TNRC18: variants seen among roughly 807,000 people sequenced by gnomAD.
TNRC18 encodes trinucleotide repeat containing 18.
TNRC18 carries 69 observed loss-of-function variants against 226.7 expected under a neutral mutation model. The observed-to-expected ratio is 0.30, with a 90% CI of 0.25 to 0.37. The LOEUF (loss-of-function observed/expected upper bound fraction) is 0.37. TNRC18 is among the 10% of genes least tolerant of loss of function. TNRC18 has a pLI of 1.00. For synonymous variants in TNRC18, 2,449 were observed against 1,927.6 expected (o/e 1.27, Z -7.09); for missense variants, 4,754 against 4,256.6 (o/e 1.12, Z -3.25).
In TNRC18 at chr7:5,381,398, C is replaced by CCA. The variant is rs777847371; in HGVS notation, c.2153-3376_2153-3375dup. ...ACTTGTCCCCTTCCCCACCTCTGGG[C>CCA]CACACACACACCATTCCCACCACCT... On this transcript the variant is annotated intron_variant, in intron 5 of 29. Coordinates refer to ENST00000430969, the MANE Select transcript of TNRC18 (RefSeq NM_001080495.3). Among the ~76,000 whole-genome samples, 4 of 152,178 alleles carry CCA rather than the reference C, an allele frequency of 2.6e-5. No homozygotes were observed. The East Asian group carries it at 7.7e-4, about 29-fold the overall frequency.
At chr7:5,420,896 T>C in intron 2 of TNRC18, 164 bp downstream of exon 2, 2 of 820,358 alleles carry the variant, frequency 2.4e-6, no homozygotes, top group Non-Finnish European at 3.8e-6. Flanking sequence ...CCGCCTTGGC[T>C]CCGGGACCAG....
rs971110252 is a variant in TNRC18 at position 5,394,817 on chromosome 7, C to G, written c.188-222G>C. ...ACCAGACCCAGGGCTTGAGAAAGCA[C>G]AATACGGCAGGAAGCCCCCCACAGC... is the stretch of plus-strand genomic sequence containing the variant. On this transcript the variant is annotated intron_variant, in intron 2 of 29. Coordinates refer to ENST00000430969, the MANE Select transcript of TNRC18 (RefSeq NM_001080495.3). The surrounding 1 kb of genome is among the most constrained non-coding windows in gnomAD (Gnocchi z 4.5). 4.6e-5 allele frequency among the ~76,000 whole-genome samples: 7 copies of G among 152,254 alleles called. No individual in the cohort carries two copies. Among genetic ancestry groups the G allele is most frequent in the African/African-American group, 1.4e-4 (6 of 41,556 alleles).
At chr7:5,376,491 C>T (rs1265839518) in intron 8 of TNRC18, among the ~76,000 whole-genome samples, 2 of 152,180 alleles carry the variant, frequency 1.3e-5, no homozygotes, top group East Asian at 3.9e-4. Context: ...GGTCAGCACG[C>T]AGACACGTAC....
At chr7:5,398,737 C>A (rs1246400536) in intron 2 of TNRC18, among the ~76,000 whole-genome samples, 2 of 152,066 alleles carry the variant, frequency 1.3e-5, no homozygotes, top group African/African-American at 4.8e-5. Context: ...CCAGCCTCAG[C>A]CTCCTGGGTA....
intron 18 of TNRC18, 22 bp downstream of exon 18, chr7:5,345,540 C>T: frequency 7.3e-7 from 1 of 1,378,312 alleles, no homozygotes; most frequent in South Asian, 1.5e-5. Flanking sequence ...ACCCCCACCG[C>T]AGCCCACCTG....
chr7:5,375,938 C>G, intron 9 of TNRC18, 96 bp downstream of exon 9: 4 of 1,271,194 alleles, frequency 3.1e-6, no homozygotes, highest in Non-Finnish European at 4.3e-6. Flanking sequence ...TTTTCTCCCT[C>G]CCTGTAACTG....
chr7:5,393,075 G>A (rs1368977936), intron 3 of TNRC18, among the ~76,000 whole-genome samples: 1 of 152,252 alleles, frequency 6.6e-6, no homozygotes, highest in Non-Finnish European at 1.5e-5. Flanking sequence ...AGTGAGCTGA[G>A]TGTGCACTGG....
intron 14 of TNRC18, among the ~76,000 whole-genome samples, chr7:5,361,080 G>A (rs985847438): frequency 2.6e-5 from 4 of 152,178 alleles, no homozygotes; most frequent in Non-Finnish European, 4.4e-5. Flanking sequence ...TCCAGCTGGC[G>A]TTCAGAAAGA....
intron 2 of TNRC18, among the ~76,000 whole-genome samples, chr7:5,411,841 A>C (rs923813292): frequency 1.3e-5 from 2 of 152,158 alleles, no homozygotes; most frequent in African/African-American, 4.8e-5. Flanking sequence ...TCCAAAAAAA[A>C]CAAAGCAGCT....
chr7:5,337,942 C>T (rs538866773), intron 18 of TNRC18, among the ~76,000 whole-genome samples: 215 of 152,208 alleles, frequency 1.4e-3, no homozygotes, highest in Non-Finnish European at 2.4e-3. Flanking sequence ...AAGATCACGC[C>T]ACTGCACTCC....
In TNRC18 at chr7:5,313,037, G is replaced by A. The variant is rs1352819582; in HGVS notation, c.7854C>T (p.Ser2618=). The A allele has an allele frequency of 4.1e-6, 3 of 724,366 alleles. No individual in the cohort carries two copies. Among genetic ancestry groups the A allele is most frequent in the South Asian group, 3.8e-5 (2 of 52,306 alleles). 44.9% of individuals were successfully genotyped at this position (724,366 alleles called of 1,614,324 possible). Residue 2618 remains serine (S), a synonymous_variant, in exon 27 of 30, where the codon TCC becomes TCT. Transcript: ENST00000430969. ...AGGAGGAGGAGGAGGAGGAGGATGA[G>A]GAGGAGGAGGAGGAGGCCGGTGAGG... is the stretch of plus-strand genomic sequence containing the variant. ...RAASPASSSS[S]SSSSSSSSSS...
At chr7:5,354,844 C>G (rs1338229622) in intron 16 of TNRC18, among the ~76,000 whole-genome samples, 2 of 152,202 alleles carry the variant, frequency 1.3e-5, no homozygotes, top group Non-Finnish European at 2.9e-5. Context: ...CCCCGTAAAG[C>G]AGGTGACGAT....
At chr7:5,386,180 C>T (rs571772838) in intron 5 of TNRC18, among the ~76,000 whole-genome samples, 16 of 150,926 alleles carry the variant, frequency 1.1e-4, no homozygotes, top group African/African-American at 3.2e-4. Context: ...CCCAGCTACT[C>T]GGGAGGCTGA....
At position 5,377,253 on chromosome 7, in the gene TNRC18, G is replaced by A; in HGVS notation, c.2461+118C>T. 1.7e-6 allele frequency: 2 copies of A among 1,193,774 alleles called. No individual in the cohort carries two copies. The highest frequency in any genetic ancestry group is 2.6e-5 in the East Asian group (1 of 38,772). The allele number at this position is 1,193,774 out of a possible 1,614,324, so 73.9% of individuals were successfully genotyped here. ...TTCCTTCTTCCGACGAATGCGGGAG[G>A]CAGGCCCAGGCCCCCCAGGAAACGG... On this transcript the variant is annotated intron_variant, in intron 7 of 29. Transcript: ENST00000430969. This position sits in a 1 kb window ranked among gnomAD's most constrained non-coding sequence, Gnocchi z 5.8.
chr7:5,389,461 G>GTTTTTTTGTTTTTTTTTGGTTTTTT, intron 4 of TNRC18, 125 bp from the exon 5 acceptor site: 2 of 564,672 alleles, frequency 3.5e-6, no homozygotes, highest in Non-Finnish European at 4.5e-6. Context: ...TTTGGTTTTG[G>GTTTTTTTGTTTTTTTTTGGTTTTTT]TTTTTTTTTT....
In TNRC18 at chr7:5,376,027, G is replaced by T; in HGVS notation, c.2799+7C>A. The T allele has an allele frequency of 6.3e-7, 1 of 1,585,948 alleles. No homozygotes were observed. The highest frequency in any genetic ancestry group is 1.2e-5 in the South Asian group (1 of 86,912). The stretch of plus-strand genomic sequence containing the variant: ...GAGGGAGCTGCGCCTCATCCTCCCC[G>T]ACTTACCACGAGCTGGGCGCTCCTC... On this transcript the variant is annotated splice_region_variant and intron_variant, in intron 9 of 29. Transcript: ENST00000430969.
At chr7:5,367,400 G>A (rs979244912) in intron 11 of TNRC18, among the ~76,000 whole-genome samples, 2 of 151,884 alleles carry the variant, frequency 1.3e-5, no homozygotes, top group African/African-American at 4.8e-5. Context: ...ACCAGTACCA[G>A]GTGGGAAGAC....
At chr7:5,311,823 A>AG (rs1787243365) in intron 27 of TNRC18, among the ~76,000 whole-genome samples, 1 of 151,344 alleles carries the variant, frequency 6.6e-6, no homozygotes, top group African/African-American at 2.4e-5. Context: ...GTCTCTTAAA[A>AG]AAAAAAAAAG....
chr7:5,414,451 C>T (rs1185961407), intron 2 of TNRC18, among the ~76,000 whole-genome samples: 1 of 151,346 alleles, frequency 6.6e-6, no homozygotes. Flanking sequence ...CTCACTCTGT[C>T]GCCCAGGCTG....
Sources: gnomAD v4.1 joint callset for allele counts (sites outside exome capture counted in the v4.1 genomes callset) on GRCh38, gnomAD v4.1.1 for gene constraint, Gnocchi (gnomAD v3.1) non-coding constraint, MANE v1.5 for transcripts, NCBI Gene and HGNC (gene_info 2026-07-23, HGNC 2026-07-21) for gene names.